DIPK1A: variants seen among roughly 807,000 people sequenced by gnomAD.
The protein encoded by DIPK1A is divergent protein kinase domain 1A.
Under a neutral mutation model 40.8 loss-of-function variants are expected in DIPK1A, and 27 were observed. That is an observed-to-expected ratio of 0.66 (90% CI 0.49 to 0.91). The LOEUF is 0.91. DIPK1A is among the 40% of genes least tolerant of loss of function. DIPK1A has a pLI of 0.00. For missense variants in DIPK1A, 412 were observed against 505.7 expected (o/e 0.81, Z 1.78); for synonymous variants, 166 against 171.3 (o/e 0.97, Z 0.24).
chr1:92,950,138 C>T lies in DIPK1A; in HGVS notation c.54+11238G>A, dbSNP rs192395174. On this transcript the variant is annotated intron_variant, in intron 1 of 4. Transcript: ENST00000370310. ...AGGAGGGACTGCTGAAAGGTCACTTCCTCTTTGAGTTGAGACTTAAAGGAC... is the reference window on the plus strand; with the variant it reads ...AGGAGGGACTGCTGAAAGGTCACTTTCTCTTTGAGTTGAGACTTAAAGGAC... 4.7e-4 allele frequency among the ~76,000 whole-genome samples: 71 copies of T among 152,216 alleles called. No individual in the cohort carries two copies. In the Middle Eastern group the frequency reaches 0.01, roughly 22 times the overall value.
intron 1 of DIPK1A, among the ~76,000 whole-genome samples, chr1:92,945,111 G>GA (rs1360237140): frequency 6.6e-6 from 1 of 152,066 alleles, no homozygotes; most frequent in Non-Finnish European, 1.5e-5. Context: ...AGTAGGCCTA[G>GA]AAAAGCATCC....
At chr1:92,861,628 A>G (rs1478167310) in intron 2 of DIPK1A, among the ~76,000 whole-genome samples, 1 of 151,944 alleles carries the variant, frequency 6.6e-6, no homozygotes, top group Admixed American at 6.6e-5. Context: ...CGCTCAGCCA[A>G]TACTCATAAC....
chr1:92,867,857 CAATG>C (rs1422174307), intron 2 of DIPK1A, among the ~76,000 whole-genome samples: 1 of 152,092 alleles, frequency 6.6e-6, no homozygotes, highest in Non-Finnish European at 1.5e-5. Context: ...AACTCCTAAG[CAATG>C]ATTTCAGCTT....
chr1:92,890,613 A>T (rs1459600568), intron 1 of DIPK1A, among the ~76,000 whole-genome samples: 1 of 152,224 alleles, frequency 6.6e-6, no homozygotes, highest in African/African-American at 2.4e-5. Flanking sequence ...GTGATGTATC[A>T]TATTTACTGA....
chr1:92,936,250 A>G (rs1314641847), intron 1 of DIPK1A, among the ~76,000 whole-genome samples: 1 of 152,232 alleles, frequency 6.6e-6, no homozygotes, highest in Non-Finnish European at 1.5e-5. Context: ...TCTGGATCAC[A>G]TCTTTCTGCA....
intron 4 of DIPK1A, chr1:92,834,933 A>G: frequency 6.2e-7 from 1 of 1,600,024 alleles, no homozygotes; most frequent in Non-Finnish European, 8.5e-7. Context: ...AGATGATTTT[A>G]ATTGATGTAG....
At chr1:92,946,955 A>C (rs934460653) in intron 1 of DIPK1A, among the ~76,000 whole-genome samples, 1 of 151,770 alleles carries the variant, frequency 6.6e-6, no homozygotes, top group South Asian at 2.1e-4. Context: ...AAAAAAAAAA[A>C]AAAAAACCAC....
intron 1 of DIPK1A, among the ~76,000 whole-genome samples, chr1:92,885,306 G>A (rs942581210): frequency 6.6e-6 from 1 of 152,128 alleles, no homozygotes; most frequent in African/African-American, 2.4e-5. Context: ...TAGATTTCCA[G>A]GAGTCCCAGA....
chr1:92,846,811 A>ATATATGTGTGTG (rs1687622052), intron 4 of DIPK1A, among the ~76,000 whole-genome samples: 1 of 3,200 alleles, frequency 3.1e-4, no homozygotes, highest in African/African-American at 2.3e-3. Flanking sequence ...ATATATATAT[A>ATATATGTGTGTG]TATATATATA....
chr1:92,835,034 A>G (rs1687063425), intron 4 of DIPK1A: 3 of 1,417,926 alleles, frequency 2.1e-6, no homozygotes, highest in Non-Finnish European at 2.0e-6. Context: ...GCTTGCTTCC[A>G]GTTTTCTGCT....
At chr1:92,841,142 ACTC>A (rs1488742556), downstream of DIPK1A, among the ~76,000 whole-genome samples, 4 of 152,064 alleles carry the variant, frequency 2.6e-5, no homozygotes, top group African/African-American at 4.8e-5. Flanking sequence ...ACAAAATCAT[ACTC>A]CTCCTGTTGG....
At position 92,854,418 on chromosome 1, in the gene DIPK1A, A is replaced by G. The variant is rs141362738; in HGVS notation, c.190-3463T>C. On this transcript the variant is annotated intron_variant, in intron 2 of 4. Coordinates refer to ENST00000370310, the MANE Select transcript of DIPK1A (RefSeq NM_001006605.5). ...GTTTGGCTCCAGAGCCCACTCTCTTAATGACTATTGTATATTGCTCAGAAT... is the reference window on the plus strand; with the variant it reads ...GTTTGGCTCCAGAGCCCACTCTCTTGATGACTATTGTATATTGCTCAGAAT... Among the ~76,000 whole-genome samples, 10 of 152,358 alleles carry G rather than the reference A, an allele frequency of 6.6e-5. 1 individual carries two copies. The highest frequency in any genetic ancestry group is 2.4e-4 in the African/African-American group (10 of 41,590).
downstream of DIPK1A, chr1:92,840,267 TC>T (rs779240138): frequency 2.6e-6 from 1 of 380,556 alleles, no homozygotes; most frequent in Non-Finnish European, 4.9e-6. Flanking sequence ...CACTTCAGAC[TC>T]CCAAAGTGCT....
At chr1:92,876,256 G>A in intron 2 of DIPK1A, 40 bp downstream of exon 2, 1 of 1,336,118 alleles carries the variant, frequency 7.5e-7, no homozygotes, top group Non-Finnish European at 1.0e-6. Flanking sequence ...ATAGTGTTAT[G>A]AAGAGGCTTT....
chr1:92,881,773 T>C (rs1648385559), intron 1 of DIPK1A, among the ~76,000 whole-genome samples: 1 of 152,210 alleles, frequency 6.6e-6, no homozygotes, highest in Admixed American at 6.5e-5. Context: ...CAAAAAACTT[T>C]AGAAACTGCA....
At chr1:92,844,813 T>C (rs191259154) in intron 4 of DIPK1A, among the ~76,000 whole-genome samples, 1 of 152,264 alleles carries the variant, frequency 6.6e-6, no homozygotes, top group East Asian at 1.9e-4. Flanking sequence ...TAAAAAGTAT[T>C]TCCGTTAGTC....
At chr1:92,865,101 C>T (rs1042255846) in intron 2 of DIPK1A, among the ~76,000 whole-genome samples, 17 of 149,760 alleles carry the variant, frequency 1.1e-4, no homozygotes. Context: ...TTGACTTACA[C>T]CTGTAATCCC....
At chr1:92,862,339 G>A in intron 2 of DIPK1A, among the ~76,000 whole-genome samples, 1 of 152,144 alleles carries the variant, frequency 6.6e-6, no homozygotes, top group East Asian at 1.9e-4. Context: ...CCTCCTTCAT[G>A]GCCTGCCTCA....
downstream of DIPK1A, chr1:92,840,411 A>G (rs1350712947): frequency 4.3e-6 from 3 of 697,308 alleles, no homozygotes; most frequent in Non-Finnish European, 7.6e-6. Context: ...TACATTTAGA[A>G]GTTAAAGTGT....
Sources: allele counts gnomAD v4.1 joint callset (sites outside exome capture counted in the v4.1 genomes callset), GRCh38; gene constraint gnomAD v4.1.1; transcripts MANE v1.5; gene names NCBI Gene and HGNC (gene_info 2026-07-23, HGNC 2026-07-21).